The following SUFU variants were observed in gnomAD, a reference collection of about 807,000 sequenced individuals.
The protein encoded by SUFU is SUFU negative regulator of hedgehog signaling.
Under a neutral mutation model 58.9 loss-of-function variants are expected in SUFU, and 7 were observed. The ratio of observed to expected loss-of-function variants is 0.12; its 90% CI spans 0.07 to 0.22. The LOEUF (loss-of-function observed/expected upper bound fraction) is 0.22. SUFU is among the 10% of genes least tolerant of loss of function. SUFU has a pLI of 1.00. For missense variants in SUFU, 451 were observed against 641.3 expected, an observed-to-expected ratio of 0.70 and a Z score of 3.20; for synonymous variants, 232 against 254.8, an observed-to-expected ratio of 0.91 and a Z score of 0.85.
intron 2 of SUFU, among the ~76,000 whole-genome samples, chr10:102,530,315 G>A (rs956305181): frequency 6.6e-6 from 1 of 152,076 alleles, no homozygotes; most frequent in Non-Finnish European, 1.5e-5. Flanking sequence ...GACTAAGAAT[G>A]TCTGACACCT....
intron 1 of SUFU, among the ~76,000 whole-genome samples, chr10:102,505,365 C>CAAA (rs1253061255): frequency 6.6e-6 from 1 of 152,128 alleles, no homozygotes; most frequent in African/African-American, 2.4e-5. Context: ...CTTGCTGGAC[C>CAAA]AAAAACTGAG....
intron 1 of SUFU, among the ~76,000 whole-genome samples, chr10:102,508,842 AAG>A (rs928018346): frequency 2.2e-4 from 34 of 152,326 alleles, no homozygotes; most frequent in African/African-American, 7.9e-4. Context: ...GGCACCACAG[AAG>A]AGAGACAATC....
intron 3 of SUFU, among the ~76,000 whole-genome samples, chr10:102,564,921 G>C (rs1316199529): frequency 1.3e-5 from 2 of 152,276 alleles, no homozygotes; most frequent in East Asian, 3.9e-4. Flanking sequence ...GAAAGATTGT[G>C]TTCCTACTGC....
At chr10:102,608,335 G>A (rs1329815154) in intron 8 of SUFU, among the ~76,000 whole-genome samples, 1 of 152,212 alleles carries the variant, frequency 6.6e-6, no homozygotes, top group Non-Finnish European at 1.5e-5. Context: ...TGACCCTCAT[G>A]AAACCGTTTG....
At chr10:102,511,121 C>CAAAAAAAA (rs1403399470) in intron 2 of SUFU, among the ~76,000 whole-genome samples, 5 of 66,440 alleles carry the variant, frequency 7.5e-5, no homozygotes, top group Admixed American at 1.6e-4. Flanking sequence ...AACTCCATCT[C>CAAAAAAAA]AAAAAAAAAA....
At chr10:102,558,131 A>C (rs1420701741) in intron 3 of SUFU, among the ~76,000 whole-genome samples, 2 of 152,100 alleles carry the variant, frequency 1.3e-5, no homozygotes, top group Admixed American at 6.6e-5. Flanking sequence ...CGAACTCCTG[A>C]CTTCAGGTGA....
chr10:102,590,725 C>T (rs2063390961), intron 3 of SUFU: 1 of 152,108 alleles, frequency 6.6e-6, no homozygotes, highest in Non-Finnish European at 1.5e-5. Flanking sequence ...TCTGGTGGAC[C>T]TGGACTGTTT....
At chr10:102,586,003 A>T in intron 3 of SUFU, among the ~76,000 whole-genome samples, 1 of 148,780 alleles carries the variant, frequency 6.7e-6, no homozygotes, top group East Asian at 2.0e-4. Context: ...TCCTGTCTCA[A>T]CCTCCCTAGT....
intron 6 of SUFU, among the ~76,000 whole-genome samples, 164 bp downstream of exon 6, chr10:102,594,229 G>A (rs960997936): frequency 6.6e-5 from 10 of 152,212 alleles, no homozygotes; most frequent in African/African-American, 1.2e-4. Flanking sequence ...CACGTAGGGA[G>A]CAGAGGTTTC....
chr10:102,572,851 G>A lies in SUFU; in HGVS notation c.455-19731G>A, dbSNP rs924551932. The stretch of plus-strand genomic sequence containing the variant: ...CTTCTCTCCATCACGCTGAATCAGG[G>A]TGTTGACCTTGGTCACATCAGTGTC... On this transcript the variant is annotated intron_variant, in intron 3 of 11. Transcript: ENST00000369902. 2.0e-4 allele frequency: 159 copies of A among 804,500 alleles called. 1 individual carries two copies. The highest frequency in any genetic ancestry group is 3.2e-4 in the Non-Finnish European group (148 of 455,798). 49.8% of individuals were successfully genotyped at this position (804,500 alleles called of 1,614,324 possible).
chr10:102,627,263 C>G lies in SUFU; in HGVS notation c.1365+20C>G. 6.2e-7 allele frequency: 1 copy of G among 1,608,106 alleles called. No individual in the cohort carries two copies. The highest frequency in any genetic ancestry group is 8.5e-7 in the Non-Finnish European group (1 of 1,174,526). ...GAGGAAGTAAGCTTGTTTGACTTTT[C>G]CTGACAACAGGTCCCGTCTCTGGGA... is the stretch of plus-strand genomic sequence containing the variant. On this transcript the variant is annotated intron_variant, in intron 11 of 11. Transcript: ENST00000369902.
At chr10:102,580,029 ACCCC>A (rs71474507) in intron 3 of SUFU, among the ~76,000 whole-genome samples, 1 of 84,662 alleles carries the variant, frequency 1.2e-5, no homozygotes, top group African/African-American at 4.3e-5. Context: ...CCTCCCCCGC[ACCCC>A]CCCCCCGCCC....
chr10:102,603,182 C>A (rs909612679), intron 8 of SUFU, among the ~76,000 whole-genome samples: 1 of 152,008 alleles, frequency 6.6e-6, no homozygotes, highest in African/African-American at 2.4e-5. Context: ...TTTTTTTAGA[C>A]ACAGGGTCTC....
At chr10:102,621,496 C>T (rs1168693626) in intron 10 of SUFU, among the ~76,000 whole-genome samples, 2 of 152,276 alleles carry the variant, frequency 1.3e-5, no homozygotes, top group African/African-American at 4.8e-5. Context: ...AACTGCAGCC[C>T]GCTACCTGCC....
At chr10:102,546,112 G>A (rs1033662688) in intron 2 of SUFU, among the ~76,000 whole-genome samples, 12 of 152,344 alleles carry the variant, frequency 7.9e-5, no homozygotes, top group African/African-American at 2.9e-4. Context: ...TCAGGCTGTT[G>A]TGTGTCTAGG....
At chr10:102,551,737 T>C (rs2062918837) in intron 3 of SUFU, among the ~76,000 whole-genome samples, 1 of 139,706 alleles carries the variant, frequency 7.2e-6, no homozygotes, top group African/African-American at 2.6e-5. Flanking sequence ...TTTTTTTTTT[T>C]TTTTGGAGAT....
At chr10:102,552,452 C>T (rs776643436) in intron 3 of SUFU, among the ~76,000 whole-genome samples, 1 of 151,896 alleles carries the variant, frequency 6.6e-6, no homozygotes, top group African/African-American at 2.4e-5. Flanking sequence ...TACACACACA[C>T]ACACACGCAC....
intron 6 of SUFU, 79 bp from the exon 7 acceptor site, chr10:102,597,061 G>A (rs2063470106): frequency 6.5e-7 from 1 of 1,532,830 alleles, no homozygotes; most frequent in Non-Finnish European, 9.0e-7. Context: ...AATACTGTAA[G>A]AGCAGTGGCT....
At chr10:102,517,664 T>G (rs1589983232) in intron 2 of SUFU, among the ~76,000 whole-genome samples, 1 of 152,236 alleles carries the variant, frequency 6.6e-6, no homozygotes, top group East Asian at 1.9e-4. Context: ...ATCTTGCCTC[T>G]GAGGTATTCA....
Sources: gnomAD v4.1 joint callset for allele counts (sites outside exome capture counted in the v4.1 genomes callset) on GRCh38, gnomAD v4.1.1 for gene constraint, MANE v1.5 for transcripts, NCBI Gene and HGNC (gene_info 2026-07-23, HGNC 2026-07-21) for gene names.